The following DAB1 variants were observed in gnomAD, a reference collection of about 807,000 sequenced individuals.
DAB1 encodes disabled homolog 1.
In DAB1, 15 loss-of-function variants were observed where a neutral mutation model predicts 64.6. The observed-to-expected ratio is 0.23, with a 90% confidence interval of 0.16 to 0.36. DAB1 has a LOEUF of 0.36. DAB1 is among the 10% of genes least tolerant of loss of function. The pLI is 1.00. For missense variants in DAB1, 596 were observed against 706.7 expected (o/e 0.84, Z 1.78); for synonymous variants, 235 against 251.9 (o/e 0.93, Z 0.64).
chr1:57,805,388 T>C (rs1651314613), intron 6 of DAB1, among the ~76,000 whole-genome samples: 1 of 152,228 alleles, frequency 6.6e-6, no homozygotes, highest in Admixed American at 6.5e-5. Context: ...GAGCATTTAT[T>C]GAGAGACCTT....
chr1:58,258,571 C>A (rs1207579902), intron 4 of DAB1, among the ~76,000 whole-genome samples: 1 of 151,532 alleles, frequency 6.6e-6, no homozygotes, highest in Non-Finnish European at 1.5e-5. Flanking sequence ...GGGTTCCTGG[C>A]AATTCTGTGG....
intron 4 of DAB1, among the ~76,000 whole-genome samples, chr1:58,215,034 T>C (rs1028334713): frequency 2.6e-5 from 4 of 152,240 alleles, no homozygotes; most frequent in African/African-American, 9.6e-5. Flanking sequence ...AGAGATGCTG[T>C]CTTCCCCTTG....
intron 5 of DAB1, among the ~76,000 whole-genome samples, chr1:57,928,586 C>T (rs921138384): frequency 3.3e-5 from 5 of 152,302 alleles, no homozygotes; most frequent in South Asian, 2.1e-4. Flanking sequence ...GCTGTGAATA[C>T]GTGCAGCATA....
intron 6 of DAB1, among the ~76,000 whole-genome samples, chr1:57,730,284 T>G (rs1036173286): frequency 6.6e-6 from 1 of 152,176 alleles, no homozygotes; most frequent in African/African-American, 2.4e-5. Context: ...AATACACTTG[T>G]TCTGTTAGGA....
Position 57,801,182 on chromosome 1 carries a change from T to C in DAB1, n.551+82817A>G, listed in dbSNP as rs142997954. On this transcript the variant is annotated intron_variant and non_coding_transcript_variant, in intron 6 of 20. Transcript: ENST00000485760. ...GATTAATTTATAAGAAAGAGCCATATGGACTGTAAGTAAAGGAGTGAGCAA... is the reference window on the plus strand; with the variant it reads ...GATTAATTTATAAGAAAGAGCCATACGGACTGTAAGTAAAGGAGTGAGCAA... 1.4e-3 allele frequency among the ~76,000 whole-genome samples: 217 copies of C among 152,354 alleles called. 5 individuals carry two copies. In the South Asian group the frequency reaches 0.035, roughly 24 times the overall value.
At chr1:58,036,145 G>A (rs1192916885) in intron 5 of DAB1, among the ~76,000 whole-genome samples, 1 of 152,180 alleles carries the variant, frequency 6.6e-6, no homozygotes, top group Non-Finnish European at 1.5e-5. Flanking sequence ...TCCTCTAATA[G>A]TAATAATAGC....
intron 2 of DAB1, among the ~76,000 whole-genome samples, chr1:57,214,271 A>T (rs116405140): frequency 0.029 from 4,364 of 152,264 alleles, 76 homozygotes; most frequent in African/African-American, 0.036. Context: ...CTCTTTAATG[A>T]AGGAGAAGTC....
At chr1:57,013,839 T>C (rs1646338885) in intron 12 of DAB1, among the ~76,000 whole-genome samples, 1 of 152,216 alleles carries the variant, frequency 6.6e-6, no homozygotes, top group Non-Finnish European at 1.5e-5. Context: ...GCACAGTCAC[T>C]GTTTTCCAGA....
chr1:57,901,577 G>A (rs1644474743), intron 5 of DAB1, among the ~76,000 whole-genome samples: 1 of 152,068 alleles, frequency 6.6e-6, no homozygotes, highest in South Asian at 2.1e-4. Context: ...CTGATGACCT[G>A]CTGCTGGCCT....
At chr1:58,477,567 G>A (rs986957716) in intron 3 of DAB1, among the ~76,000 whole-genome samples, 4 of 152,100 alleles carry the variant, frequency 2.6e-5, no homozygotes, top group South Asian at 2.1e-4. Flanking sequence ...CCCTGCCATG[G>A]TGATTGCTTC....
intron 6 of DAB1, among the ~76,000 whole-genome samples, chr1:57,686,346 A>G (rs564826782): frequency 5.3e-5 from 8 of 152,340 alleles, no homozygotes; most frequent in Non-Finnish European, 1.0e-4. Context: ...AGATTGAACC[A>G]GGAAGAATGT....
chr1:58,421,807 G>A (rs180686460), intron 3 of DAB1, among the ~76,000 whole-genome samples: 5 of 152,232 alleles, frequency 3.3e-5, no homozygotes, highest in Admixed American at 1.3e-4. Context: ...ATAAGAGAGC[G>A]GTCTTCTCAG....
chr1:58,419,301 A>C lies in DAB1; in HGVS notation n.258-75898T>G, dbSNP rs149763210. Among the ~76,000 whole-genome samples the C allele has an allele frequency of 7.4e-4, 112 of 152,284 alleles. No individual in the cohort carries two copies. The East Asian group carries it at 0.021, about 29-fold the overall frequency. ...ACTCTCTAAGCCTCTCTTACCTTCC[A>C]TTTCCTTGTCTATACAATAGGACTA... On this transcript the variant is annotated intron_variant and non_coding_transcript_variant, in intron 3 of 20. Coordinates refer to the DAB1 transcript ENST00000485760.
intron 4 of DAB1, among the ~76,000 whole-genome samples, chr1:58,171,419 G>A (rs1444552456): frequency 1.3e-5 from 2 of 152,150 alleles, no homozygotes; most frequent in East Asian, 3.9e-4. Context: ...TCCAATTCTG[G>A]GAGTACAAAA....
chr1:57,993,776 C>A (rs1468811514), intron 5 of DAB1, among the ~76,000 whole-genome samples: 1 of 152,098 alleles, frequency 6.6e-6, no homozygotes, highest in African/African-American at 2.4e-5. Context: ...TTGGCCTAGA[C>A]CCTTATTCAA....
chr1:57,275,470 A>ATT (rs1671384548), intron 2 of DAB1, among the ~76,000 whole-genome samples: 1 of 152,206 alleles, frequency 6.6e-6, no homozygotes, highest in Non-Finnish European at 1.5e-5. Flanking sequence ...AGAAAAATGT[A>ATT]TTTTTAGCTG....
At chr1:57,998,927 C>A (rs1328388547) in intron 5 of DAB1, among the ~76,000 whole-genome samples, 1 of 152,132 alleles carries the variant, frequency 6.6e-6, no homozygotes, top group Non-Finnish European at 1.5e-5. Flanking sequence ...ATCTCAGGTG[C>A]AATGCTGGCT....
intron 1 of DAB1, among the ~76,000 whole-genome samples, chr1:57,401,660 C>A (rs1372330481): frequency 3.3e-5 from 5 of 152,206 alleles, no homozygotes; most frequent in Non-Finnish European, 5.9e-5. Context: ...CCCATCCAAA[C>A]CCTTTCATCT....
intron 7 of DAB1, 150 bp from the exon 8 acceptor site, chr1:57,069,575 A>G: frequency 3.1e-6 from 2 of 636,512 alleles, no homozygotes; most frequent in Non-Finnish European, 5.5e-6. Context: ...AATTATTGAA[A>G]TAAAATGTAC....
Sources: gnomAD v4.1 joint callset for allele counts (sites outside exome capture counted in the v4.1 genomes callset) on GRCh38, gnomAD v4.1.1 for gene constraint, MANE v1.5 for transcripts, NCBI Gene and HGNC (gene_info 2026-07-23, HGNC 2026-07-21) for gene names.